Variants in SEMA3A observed in about 807,000 individuals in gnomAD.
SEMA3A encodes semaphorin-3A.
SEMA3A carries 29 observed loss-of-function variants against 97.9 expected under a neutral mutation model. The ratio of observed to expected loss-of-function variants is 0.30; its 90% CI spans 0.22 to 0.40. The LOEUF is 0.40. SEMA3A is among the 10% of genes least tolerant of loss of function. The pLI, the probability that SEMA3A is intolerant of heterozygous loss-of-function variation, is 1.00. For missense variants in SEMA3A, 763 were observed against 951.3 expected, an observed-to-expected ratio of 0.80 and a Z score of 2.60; for synonymous variants, 321 against 323.7, an observed-to-expected ratio of 0.99 and a Z score of 0.09.
chr7:84,447,496 C>T (rs570404796), intron 1 of SEMA3A, among the ~76,000 whole-genome samples: 9 of 152,272 alleles, frequency 5.9e-5, no homozygotes, highest in South Asian at 2.1e-4. Context: ...CACCTCCTCC[C>T]TTCTGAGCCC....
chr7:84,138,124 T>C (rs868315931), intron 1 of SEMA3A, among the ~76,000 whole-genome samples: 45 of 152,314 alleles, frequency 3.0e-4, no homozygotes, highest in Middle Eastern at 6.8e-3. Flanking sequence ...ATTTCCTGTT[T>C]GTATAAGTAG....
chr7:84,309,627 A>G (rs1801263933), intron 2 of SEMA3A, among the ~76,000 whole-genome samples: 1 of 152,158 alleles, frequency 6.6e-6, no homozygotes, highest in Admixed American at 6.5e-5. Context: ...TAGAACATAT[A>G]CCACGTGTGG....
intron 6 of SEMA3A, among the ~76,000 whole-genome samples, chr7:84,039,097 G>T (rs975186793): frequency 6.6e-6 from 1 of 151,932 alleles, no homozygotes; most frequent in African/African-American, 2.4e-5. Context: ...TGTCTACTTT[G>T]CATAGAGGTG....
rs569003674 is a variant in SEMA3A, at chr7:84,188,021, C to T, written c.112+6454G>A. Among the ~76,000 whole-genome samples, 10 of 152,134 alleles carry T rather than the reference C, an allele frequency of 6.6e-5. 1 individual carries two copies. The South Asian group carries it at 2.1e-3, about 32-fold the overall frequency. On this transcript the variant is annotated intron_variant, in intron 1 of 16. Coordinates refer to ENST00000265362, the MANE Select transcript of SEMA3A (RefSeq NM_006080.3). ...GGTCATGTTATATTTTATCTAAAGA[C>T]ATGTTTATGATTGCTGCAACGCTTT...
intron 2 of SEMA3A, among the ~76,000 whole-genome samples, chr7:84,327,173 T>G (rs886787863): frequency 1.3e-5 from 2 of 152,014 alleles, no homozygotes; most frequent in Admixed American, 6.6e-5. Context: ...TCTTAATAGA[T>G]TCACAATATT....
intron 12 of SEMA3A, among the ~76,000 whole-genome samples, chr7:83,995,964 T>C (rs917993454): frequency 2.0e-5 from 3 of 152,218 alleles, no homozygotes; most frequent in Admixed American, 6.5e-5. Flanking sequence ...TGCTCAGCTG[T>C]TCATGGAATA....
intron 3 of SEMA3A, among the ~76,000 whole-genome samples, chr7:84,124,865 TTAAA>T (rs1369909685): frequency 6.6e-6 from 1 of 151,916 alleles, no homozygotes; most frequent in African/African-American, 2.4e-5. Context: ...GAGGCATTAC[TTAAA>T]TGAGGTTAAC....
intron 1 of SEMA3A, among the ~76,000 whole-genome samples, chr7:84,421,492 T>C (rs1804591368): frequency 6.6e-6 from 1 of 151,998 alleles, no homozygotes; most frequent in South Asian, 2.1e-4. Flanking sequence ...TCTCTTCCTA[T>C]TTGAATACTC....
At chr7:84,190,960 T>TACAC (rs200896857) in intron 1 of SEMA3A, among the ~76,000 whole-genome samples, 8,952 of 82,540 alleles carry the variant, frequency 0.11, 291 homozygotes, top group African/African-American at 0.26. Flanking sequence ...TGTATTGGTA[T>TACAC]ATACACACAC....
chr7:84,333,580 T>C (rs1801959239), intron 2 of SEMA3A, among the ~76,000 whole-genome samples: 1 of 152,176 alleles, frequency 6.6e-6, no homozygotes, highest in South Asian at 2.1e-4. Flanking sequence ...GGATATACTC[T>C]ACTTTCCAAA....
intron 4 of SEMA3A, among the ~76,000 whole-genome samples, chr7:84,077,911 G>C (rs1212384569): frequency 6.6e-6 from 1 of 151,996 alleles, no homozygotes; most frequent in Non-Finnish European, 1.5e-5. Flanking sequence ...TTTAATGCCA[G>C]TTGGGGGGAA....
chr7:84,089,517 A>G (rs188636333), intron 4 of SEMA3A, among the ~76,000 whole-genome samples: 1 of 121,126 alleles, frequency 8.3e-6, no homozygotes, highest in African/African-American at 2.5e-5. Context: ...AGTCAACCAT[A>G]TAAGTCTGTA....
chr7:84,481,447 T>C (rs1176235025), intron 1 of SEMA3A, among the ~76,000 whole-genome samples: 1 of 152,186 alleles, frequency 6.6e-6, no homozygotes, highest in Non-Finnish European at 1.5e-5. Context: ...CAGCTACAAC[T>C]GATGTTGAAA....
rs534969436 is a variant in SEMA3A, at chr7:84,303,404, AG to A, written c.-83+3802del. Among the ~76,000 whole-genome samples the A allele has an allele frequency of 1.1e-4, 16 of 152,304 alleles. 1 individual carries two copies. The South Asian group carries it at 3.3e-3, about 32-fold the overall frequency. ...TTTTTAAACAGGGAAAACATGTTCTAGTTCCTTCAAACATCTTGTAAGTGGT... is the reference window on the plus strand; with the variant it reads ...TTTTTAAACAGGGAAAACATGTTCTATTCCTTCAAACATCTTGTAAGTGGT... On this transcript the variant is annotated intron_variant, in intron 3 of 3. Transcript: ENST00000424555.
intron 12 of SEMA3A, among the ~76,000 whole-genome samples, chr7:83,999,055 A>G (rs1790333046): frequency 6.6e-6 from 1 of 152,194 alleles, no homozygotes; most frequent in South Asian, 2.1e-4. Context: ...TTTTATAAGT[A>G]GAAGGAGTAC....
At chr7:84,392,799 TCAAA>T (rs761842291) in intron 1 of SEMA3A, among the ~76,000 whole-genome samples, 26 of 152,302 alleles carry the variant, frequency 1.7e-4, no homozygotes, top group Non-Finnish European at 2.4e-4. Flanking sequence ...ATTAGGTATG[TCAAA>T]CAACTTTTCT....
At chr7:84,223,205 A>G (rs1393263345) in intron 3 of SEMA3A, among the ~76,000 whole-genome samples, 1 of 151,826 alleles carries the variant, frequency 6.6e-6, no homozygotes, top group African/African-American at 2.4e-5. Context: ...AAGTTTAGTT[A>G]ATGTTTCACG....
intron 4 of SEMA3A, among the ~76,000 whole-genome samples, chr7:84,085,896 G>A (rs1276534981): frequency 6.6e-6 from 1 of 152,118 alleles, no homozygotes; most frequent in Non-Finnish European, 1.5e-5. Context: ...GAAGACGGAT[G>A]TACAACTGAA....
At chr7:84,121,525 T>C (rs1795616265) in intron 3 of SEMA3A, among the ~76,000 whole-genome samples, 1 of 150,934 alleles carries the variant, frequency 6.6e-6, no homozygotes, top group Non-Finnish European at 1.5e-5. Context: ...TCCATGTCCC[T>C]ACAAAGGACA....
Sources: gnomAD v4.1 joint callset for allele counts (sites outside exome capture counted in the v4.1 genomes callset) on GRCh38, gnomAD v4.1.1 for gene constraint, MANE v1.5 for transcripts, NCBI Gene and HGNC (gene_info 2026-07-23, HGNC 2026-07-21) for gene names.